The following SAMD12 variants were observed in gnomAD, a reference collection of about 807,000 sequenced individuals.
SAMD12 encodes the protein sterile alpha motif domain-containing protein 12.
SAMD12 carries 9 observed loss-of-function variants against 15.0 expected under a neutral mutation model. The ratio of observed to expected loss-of-function variants is 0.60; its 90% confidence interval spans 0.36 to 1.05. The LOEUF (loss-of-function observed/expected upper bound fraction) is 1.05, where lower values mean the gene tolerates loss of function less well. SAMD12 is among the 50% of genes least tolerant of loss of function. The probability of loss-of-function intolerance (pLI) is 0.01; values close to 1 mark genes in which losing one functional copy is unlikely to be tolerated. For synonymous variants in SAMD12, 86 were observed against 90.1 expected (o/e 0.96, Z 0.25); for missense variants, 230 against 234.2 (o/e 0.98, Z 0.12).
At chr8:118,280,410 T>A (rs1173136488) in intron 4 of SAMD12, among the ~76,000 whole-genome samples, 1 of 152,162 alleles carries the variant, frequency 6.6e-6, no homozygotes, top group East Asian at 1.9e-4. Flanking sequence ...TGGGCAGGGA[T>A]AAGCTTGAGT....
rs1819493519 is a variant in SAMD12 at position 118,378,361 on chromosome 8, C to G, written c.*1056G>C. ...CTACTTCTTAAAAGAAGCTTAAAAG[C>G]CTATCAGTATTTCACATTCAAATTT... On this transcript the variant is annotated 3_prime_UTR_variant, in exon 4 of 4. Transcript: ENST00000314727. 1 of 933,020 alleles carries G rather than the reference C, an allele frequency of 1.1e-6. No homozygotes were observed. Among genetic ancestry groups the G allele is most frequent in the Non-Finnish European group, 1.3e-6 (1 of 782,222 alleles). 57.8% of individuals were successfully genotyped at this position (933,020 alleles called of 1,614,324 possible).
At chr8:118,478,724 C>G (rs2130984567) in intron 2 of SAMD12, among the ~76,000 whole-genome samples, 1 of 152,342 alleles carries the variant, frequency 6.6e-6, no homozygotes, top group East Asian at 1.9e-4. Flanking sequence ...GGTTGAGTCT[C>G]TTCCTAATGA....
At chr8:118,299,204 T>A (rs28365515) in intron 4 of SAMD12, among the ~76,000 whole-genome samples, 8,177 of 152,246 alleles carry the variant, frequency 0.054, 628 homozygotes, top group African/African-American at 0.17. Context: ...GGAACTGATA[T>A]ATAAATAAGG....
At position 118,504,300 on chromosome 8, in the gene SAMD12, A is replaced by T. The variant is rs189548655; in HGVS notation, c.193-64339T>A. Reference sequence around the variant, plus strand: ...GAAGCCCGGAGAAAAACAACACAGTAATAATGGATAGATTCTCTTTAATAA... The same window carrying T: ...GAAGCCCGGAGAAAAACAACACAGTTATAATGGATAGATTCTCTTTAATAA... On this transcript the variant is annotated intron_variant, in intron 2 of 3. Coordinates refer to ENST00000314727, the MANE Select transcript of SAMD12 (RefSeq NM_207506.3). Among the ~76,000 whole-genome samples, 4 of 152,348 alleles carry T rather than the reference A, an allele frequency of 2.6e-5. No individual in the cohort carries two copies. The East Asian group carries it at 7.7e-4, about 29-fold the overall frequency.
intron 4 of SAMD12, among the ~76,000 whole-genome samples, chr8:118,217,540 A>T (rs1028850482): frequency 6.6e-6 from 1 of 152,198 alleles, no homozygotes; most frequent in African/African-American, 2.4e-5. Context: ...TAACAGTATA[A>T]GGTATTTGTT....
chr8:118,284,201 A>T, intron 4 of SAMD12: 2 of 440,424 alleles, frequency 4.5e-6, no homozygotes, highest in Admixed American at 5.2e-5. Context: ...GATAAAATGA[A>T]GAAAGCTCCA....
intron 4 of SAMD12, among the ~76,000 whole-genome samples, chr8:118,355,535 T>C (rs1818187387): frequency 6.6e-6 from 1 of 152,058 alleles, no homozygotes; most frequent in Admixed American, 6.6e-5. Flanking sequence ...TATTAAAAAA[T>C]AAGGAACTAC....
At chr8:118,207,928 C>CTTT (rs11428909) in intron 4 of SAMD12, among the ~76,000 whole-genome samples, 2 of 149,596 alleles carry the variant, frequency 1.3e-5, no homozygotes, top group African/African-American at 4.9e-5. Flanking sequence ...GTAAATACTC[C>CTTT]TTTTTTTTTT....
chr8:118,611,698 C>T (rs2131316742), intron 1 of SAMD12, among the ~76,000 whole-genome samples: 1 of 152,354 alleles, frequency 6.6e-6, no homozygotes. Context: ...GAAATGTTCA[C>T]ATTTCCAACC....
chr8:118,496,259 A>G (rs2515024), intron 2 of SAMD12, among the ~76,000 whole-genome samples: 2 of 151,890 alleles, frequency 1.3e-5, no homozygotes, highest in Non-Finnish European at 2.9e-5. Flanking sequence ...GCCTAAGTAG[A>G]TAAAGCAATC....
At chr8:118,532,585 G>A (rs893305743) in intron 2 of SAMD12, among the ~76,000 whole-genome samples, 14 of 152,220 alleles carry the variant, frequency 9.2e-5, no homozygotes, top group South Asian at 2.1e-4. Flanking sequence ...TTTTTGGTTC[G>A]TAGGCTCTTA....
In SAMD12 at chr8:118,231,036, T is replaced by G. The variant is rs537255372; in HGVS notation, c.434-33304A>C. Among the ~76,000 whole-genome samples the G allele has an allele frequency of 2.0e-4, 30 of 152,226 alleles. No homozygotes were observed. In the Middle Eastern group the frequency reaches 0.01, roughly 52 times the overall value. On this transcript the variant is annotated intron_variant, in intron 4 of 4. Transcript: ENST00000409003. ...GAAAGCAAGGAGCACAATTAGAAGG[T>G]TATTAATAATAAGGCAGCAATCCAG...
At chr8:118,450,516 C>T (rs1427516880) in intron 2 of SAMD12, among the ~76,000 whole-genome samples, 4 of 152,108 alleles carry the variant, frequency 2.6e-5, no homozygotes, top group African/African-American at 9.7e-5. Context: ...AGGGGCAAAT[C>T]CCTCTGTGAA....
At chr8:118,425,087 C>T (rs758903051) in intron 3 of SAMD12, among the ~76,000 whole-genome samples, 28 of 151,904 alleles carry the variant, frequency 1.8e-4, no homozygotes, top group African/African-American at 5.6e-4. Context: ...TACAGGCGCC[C>T]GCCACCACGC....
At chr8:118,275,823 C>T in intron 4 of SAMD12, among the ~76,000 whole-genome samples, 1 of 152,162 alleles carries the variant, frequency 6.6e-6, no homozygotes, top group East Asian at 1.9e-4. Context: ...TGGTTCTGTT[C>T]CTGCATTAAT....
At chr8:118,425,864 G>A (rs986398190) in intron 3 of SAMD12, among the ~76,000 whole-genome samples, 1 of 152,090 alleles carries the variant, frequency 6.6e-6, no homozygotes, top group African/African-American at 2.4e-5. Flanking sequence ...ACCCCACTCT[G>A]GTTATTTCTA....
intron 2 of SAMD12, among the ~76,000 whole-genome samples, chr8:118,458,971 TGTGTGTG>T (rs1823337265): frequency 6.6e-6 from 1 of 151,920 alleles, no homozygotes; most frequent in African/African-American, 2.4e-5. Context: ...TGTGTGTGTG[TGTGTGTG>T]TGTGTGTTTA....
At chr8:118,592,164 A>T (rs1356474470) in intron 1 of SAMD12, among the ~76,000 whole-genome samples, 1 of 152,174 alleles carries the variant, frequency 6.6e-6, no homozygotes, top group African/African-American at 2.4e-5. Flanking sequence ...TCTACTAAAA[A>T]TACAAAATTA....
intron 2 of SAMD12, among the ~76,000 whole-genome samples, chr8:118,496,550 C>T (rs867563833): frequency 2.6e-5 from 4 of 152,120 alleles, no homozygotes; most frequent in African/African-American, 9.7e-5. Flanking sequence ...CACTTTCTTT[C>T]ACCACATACA....
Sources: allele counts gnomAD v4.1 joint callset (sites outside exome capture counted in the v4.1 genomes callset), GRCh38; gene constraint gnomAD v4.1.1; transcripts MANE v1.5; gene names NCBI Gene and HGNC (gene_info 2026-07-23, HGNC 2026-07-21).